Variants in OR6C6 observed in about 807,000 individuals in gnomAD.
OR6C6 encodes the protein olfactory receptor 6C6.
For synonymous variants in OR6C6, 140 were observed against 135.2 expected (o/e 1.04, Z -0.25); for missense variants, 411 against 366.8 (o/e 1.12, Z -0.98).
chr12:55,294,162 TCTCGAAC>T lies in OR6C6; in HGVS notation c.*119_*125del. ...GGTTTCACCATGTTGGCCAGGCTGG[TCTCGAAC>T]TCCTGACCTCAGGTAACCACCCTCC... On this transcript the variant is annotated 3_prime_UTR_variant, in exon 2 of 2. Coordinates refer to ENST00000358433, the MANE Select transcript of OR6C6 (RefSeq NM_001005493.2). 1 of 605,556 alleles carries T rather than the reference TCTCGAAC, an allele frequency of 1.7e-6. No homozygotes were observed. The allele number at this position is 605,556 out of a possible 1,614,324, so 37.5% of individuals were successfully genotyped here. A position where few individuals can be genotyped will look rare whatever the true frequency, so the allele number is the denominator to read the frequency against.
Position 55,294,455 on chromosome 12 carries a change from G to A in OR6C6, c.778C>T (p.Pro260Ser). The change falls in exon 2 of 2, where the codon CCA (proline) becomes TCA (serine). Residue 260 changes from proline to serine, a missense_variant. Transcript: ENST00000358433. ...ACAGTCACTCTTTCTTTTGCAGATG[G>A]TTTAATATACATAAAGATACAGCTA... ...YGSCIFMYIK[P>S]SAKERVTVSK... The A allele has an allele frequency of 6.2e-7, 1 of 1,613,780 alleles. No homozygotes were observed.
chr12:55,296,443 A>G lies in OR6C6; in HGVS notation c.-150T>C, dbSNP rs1241772666. 4 of 151,990 alleles carry G rather than the reference A, an allele frequency of 2.6e-5. No homozygotes were observed. Among genetic ancestry groups the G allele is most frequent in the Middle Eastern group, 3.2e-3 (1 of 316 alleles). The allele number at this position is 151,990 out of a possible 1,614,324, so 9.4% of individuals were successfully genotyped here. A position where few individuals can be genotyped will look rare whatever the true frequency, so the allele number is the denominator to read the frequency against. On this transcript the variant is annotated 5_prime_UTR_variant, in exon 1 of 2. Transcript: ENST00000358433. Reference sequence around the variant, plus strand: ...TATCCAATAGGCACATTTATTACCAATGATTTTTGTGGGGAGAGGCAATGT... The same window carrying G: ...TATCCAATAGGCACATTTATTACCAGTGATTTTTGTGGGGAGAGGCAATGT...
Position 55,294,242 on chromosome 12 carries a change from GC to G in OR6C6, c.*45del. ...TTACAGGCATGAGCCACCATGCCAG[GC>G]CGTTTTCCAGTTTTTATGGTAAAGT... On this transcript the variant is annotated 3_prime_UTR_variant, in exon 2 of 2. Transcript: ENST00000358433. 1 of 1,200,872 alleles carries G rather than the reference GC, an allele frequency of 8.3e-7. No homozygotes were observed. Among genetic ancestry groups the G allele is most frequent in the Admixed American group, 2.0e-5 (1 of 51,250 alleles). 74.4% of individuals were successfully genotyped at this position (1,200,872 alleles called of 1,614,324 possible).
intron 1 of OR6C6, among the ~76,000 whole-genome samples, chr12:55,296,108 C>T (rs918322386): frequency 4.6e-5 from 7 of 151,668 alleles, no homozygotes; most frequent in South Asian, 2.1e-4. Flanking sequence ...ATATTAAATG[C>T]GTCAGTCTAC....
In OR6C6 at chr12:55,294,466, AT is replaced by A; in HGVS notation, c.766del (p.Met256CysfsTer11). On this transcript the variant is annotated frameshift_variant, in exon 2 of 2. Transcript: ENST00000358433. LOFTEE classifies it low-confidence loss of function (END_TRUNC). ...TTCTTTTGCAGATGGTTTAATATACATAAAGATACAGCTACCGTATGTCATG... is the reference window on the plus strand; with the variant it reads ...TTCTTTTGCAGATGGTTTAATATACAAAAGATACAGCTACCGTATGTCATG... ...VSMTYGSCIF[M>X]YIKPSAKERV... The A allele has an allele frequency of 1.9e-6, 3 of 1,613,942 alleles. No individual in the cohort carries two copies. The highest frequency in any genetic ancestry group is 2.5e-6 in the Non-Finnish European group (3 of 1,179,850).
Position 55,294,190 on chromosome 12 carries a change from C to A in OR6C6, c.*98G>T. ...CGAACTCCTGACCTCAGGTAACCAC[C>A]CTCCTCAGCCTCCCAAAGTGCTGTG... On this transcript the variant is annotated 3_prime_UTR_variant, in exon 2 of 2. Transcript: ENST00000358433. The A allele has an allele frequency of 1.4e-6, 1 of 704,200 alleles. No individual in the cohort carries two copies. Among genetic ancestry groups the A allele is most frequent in the Non-Finnish European group, 2.4e-6 (1 of 415,968 alleles). 43.6% of individuals were successfully genotyped at this position (704,200 alleles called of 1,614,324 possible). A position where few individuals can be genotyped will look rare whatever the true frequency, so the allele number is the denominator to read the frequency against.
chr12:55,294,988 G>C lies in OR6C6; in HGVS notation c.245C>G (p.Thr82Ser). 6.2e-7 allele frequency: 1 copy of C among 1,613,326 alleles called. No homozygotes were observed. Among genetic ancestry groups the C allele is most frequent in the Non-Finnish European group, 8.5e-7 (1 of 1,179,462 alleles). ...AATGGTTTTGTCTCTAGTCACAATGGTTATCAAGAATCTAGGAATACACAC... is the reference window on the plus strand; with the variant it reads ...AATGGTTTTGTCTCTAGTCACAATGCTTATCAAGAATCTAGGAATACACAC... ...TTVCIPRFLI[T>S]IVTRDKTISY... Residue 82 changes from threonine to serine, a missense_variant, in exon 2 of 2, where the codon ACC (threonine) becomes AGC (serine). Transcript: ENST00000358433.
Position 55,296,424 on chromosome 12 carries a change from A to G in OR6C6, c.-131T>C, listed in dbSNP as rs545658884. ...TTTTATGACCACATTTTATTATCCA[A>G]TAGGCACATTTATTACCAATGATTT... On this transcript the variant is annotated 5_prime_UTR_variant, in exon 1 of 2. Coordinates refer to ENST00000358433, the MANE Select transcript of OR6C6 (RefSeq NM_001005493.2). The G allele has an allele frequency of 6.6e-6, 1 of 152,124 alleles. No homozygotes were observed. Among genetic ancestry groups the G allele is most frequent in the East Asian group, 1.9e-4 (1 of 5,184 alleles). 9.4% of individuals were successfully genotyped at this position (152,124 alleles called of 1,614,324 possible).
intron 1 of OR6C6, among the ~76,000 whole-genome samples, chr12:55,296,046 C>T (rs1868255059): frequency 1.4e-5 from 2 of 144,206 alleles, no homozygotes; most frequent in South Asian, 4.2e-4. Context: ...ACTTTCTATC[C>T]TTTCTACATA....
Position 55,294,285 on chromosome 12 carries a change from T to C in OR6C6, c.*3A>G. The C allele has an allele frequency of 6.5e-7, 1 of 1,542,892 alleles. No homozygotes were observed. Among genetic ancestry groups the C allele is most frequent in the Non-Finnish European group, 8.9e-7 (1 of 1,125,512 alleles). On this transcript the variant is annotated 3_prime_UTR_variant, in exon 2 of 2. Coordinates refer to ENST00000358433, the MANE Select transcript of OR6C6 (RefSeq NM_001005493.2). ...TGGTAAAGTTGTAATTTGTAGCAGA[T>C]TCTTAAAATGGTCTTTTAGAAAAAC... is the stretch of plus-strand genomic sequence containing the variant.
Position 55,294,748 on chromosome 12 carries a change from A to G in OR6C6, c.485T>C (p.Leu162Pro), listed in dbSNP as rs1308350724. Residue 162 changes from leucine to proline, a missense_variant, in exon 2 of 2, where the codon CTC becomes CCC. Physicochemically the swap from Leu to Pro is moderately conservative, Grantham distance 98. Coordinates refer to ENST00000358433, the MANE Select transcript of OR6C6 (RefSeq NM_001005493.2). ...TTTGGAAGCACAAAAATCCAGCTTG[A>G]GTCCCATGACCAATGGGGGAAATAT... ...LIIFPPLVMG[L>P]KLDFCASKTI... The G allele has an allele frequency of 6.2e-7, 1 of 1,614,106 alleles. No individual in the cohort carries two copies.
Position 55,294,504 on chromosome 12 carries a change from CAT to C in OR6C6, c.727_728del (p.Met243AspfsTer9), listed in dbSNP as rs747069570. ...NKAFSTCTSHMIVVSMTYGSC... is the reference protein window; with the variant it reads ...NKAFSTCTSHXIVVSMTYGSC... Reference sequence around the variant, plus strand: ...TACCGTATGTCATGGAGACAACAATCATGTGGGAAGTACAGGTGGAAAATGCT... The same window carrying C: ...TACCGTATGTCATGGAGACAACAATCGTGGGAAGTACAGGTGGAAAATGCT... On this transcript the variant is annotated frameshift_variant, in exon 2 of 2. Transcript: ENST00000358433. LOFTEE classifies it low-confidence loss of function (END_TRUNC). 11 of 1,613,588 alleles carry C rather than the reference CAT, an allele frequency of 6.8e-6. No individual in the cohort carries two copies. Among genetic ancestry groups the C allele is most frequent in the Non-Finnish European group, 9.3e-6 (11 of 1,179,718 alleles).
At position 55,294,245 on chromosome 12, in the gene OR6C6, GT is replaced by G; in HGVS notation, c.*42del. On this transcript the variant is annotated 3_prime_UTR_variant, in exon 2 of 2. Coordinates refer to ENST00000358433, the MANE Select transcript of OR6C6 (RefSeq NM_001005493.2). ...CAGGCATGAGCCACCATGCCAGGCC[GT>G]TTTCCAGTTTTTATGGTAAAGTTGT... The G allele has an allele frequency of 7.9e-7, 1 of 1,265,576 alleles. No homozygotes were observed. Among genetic ancestry groups the G allele is most frequent in the Non-Finnish European group, 1.1e-6 (1 of 890,472 alleles). 78.4% of individuals were successfully genotyped at this position (1,265,576 alleles called of 1,614,324 possible).
In OR6C6 at chr12:55,294,120, CT is replaced by C. The variant is rs1392762767; in HGVS notation, c.*167del. 2 of 498,412 alleles carry C rather than the reference CT, an allele frequency of 4.0e-6. No homozygotes were observed. Among genetic ancestry groups the C allele is most frequent in the Non-Finnish European group, 7.2e-6 (2 of 277,360 alleles). The allele number at this position is 498,412 out of a possible 1,614,324, so 30.9% of individuals were successfully genotyped here. A position where few individuals can be genotyped will look rare whatever the true frequency, so the allele number is the denominator to read the frequency against. The stretch of plus-strand genomic sequence containing the variant: ...CCACCACGCCCAGCTAATTTTTGTA[CT>C]TTTAAGTAGAGACGGGGTTTCACCA... On this transcript the variant is annotated 3_prime_UTR_variant, in exon 2 of 2. Coordinates refer to ENST00000358433, the MANE Select transcript of OR6C6 (RefSeq NM_001005493.2).
chr12:55,294,847 T>C lies in OR6C6; in HGVS notation c.386A>G (p.His129Arg), dbSNP rs777969874. The C allele has an allele frequency of 4.3e-6, 7 of 1,614,094 alleles. No homozygotes were observed. Among genetic ancestry groups the C allele is most frequent in the South Asian group, 1.1e-5 (1 of 91,074 alleles). Residue 129 changes from histidine to arginine, a missense_variant, in exon 2 of 2, where the codon CAT becomes CGT. By Grantham distance (29) the His-to-Arg change is conservative (BLOSUM62 0). Transcript: ENST00000358433. ...TTTGCTGCTCATAATGATTGGATAA[T>C]GCAGTGGTTTGCAGATGGCAACGTA... ...DRYVAICKPL[H>R]YPIIMSSKVC... is the part of the protein sequence containing the mutation.
Position 55,295,074 on chromosome 12 carries a change from G to C in OR6C6, c.159C>G (p.Leu53=), listed in dbSNP as rs201362654. Residue 53 remains leucine, a synonymous_variant, in exon 2 of 2, where the codon CTC becomes CTG. Coordinates refer to ENST00000358433, the MANE Select transcript of OR6C6 (RefSeq NM_001005493.2). ...IIILTLLDPR[L]KTPMYFFLRN... ...GGAGAAAGAAATACATTGGCGTCTT[G>C]AGCCGGGGATCCAGCAGGGTGAGGA... 1.2e-4 allele frequency: 196 copies of C among 1,613,986 alleles called. 2 individuals carry two copies. In the East Asian group the frequency reaches 4.2e-3, roughly 35 times the overall value.
At position 55,294,486 on chromosome 12, in the gene OR6C6, T is replaced by C. The variant is rs749710615; in HGVS notation, c.747A>G (p.Thr249=). The stretch of plus-strand genomic sequence containing the variant: ...TATACATAAAGATACAGCTACCGTA[T>C]GTCATGGAGACAACAATCATGTGGG... The part of the protein sequence containing the change: ...CTSHMIVVSM[T]YGSCIFMYIK... Residue 249 remains threonine, a synonymous_variant, in exon 2 of 2, where the codon ACA becomes ACG. Coordinates refer to ENST00000358433, the MANE Select transcript of OR6C6 (RefSeq NM_001005493.2). 3.1e-6 allele frequency: 5 copies of C among 1,613,672 alleles called. No homozygotes were observed. Among genetic ancestry groups the C allele is most frequent in the Non-Finnish European group, 4.2e-6 (5 of 1,179,622 alleles).
At position 55,294,344 on chromosome 12, in the gene OR6C6, C is replaced by T; in HGVS notation, c.889G>A (p.Glu297Lys). ...TTTTGTAATACATCCCAGAAGACTT[C>T]TTTCACCTGCTGGTTTCTGAGAGTA... is the stretch of plus-strand genomic sequence containing the variant. ...IYTLRNQQVK[E>K]VFWDVLQKNL... Residue 297 changes from glutamate to lysine, a missense_variant, in exon 2 of 2, where the codon GAA becomes AAA. Glu to Lys is a moderately conservative substitution (Grantham distance 56). Coordinates refer to ENST00000358433, the MANE Select transcript of OR6C6 (RefSeq NM_001005493.2). 1 of 1,613,222 alleles carries T rather than the reference C, an allele frequency of 6.2e-7. No individual in the cohort carries two copies. The highest frequency in any genetic ancestry group is 8.5e-7 in the Non-Finnish European group (1 of 1,179,352).
At position 55,294,715 on chromosome 12, in the gene OR6C6, T is replaced by G; in HGVS notation, c.518A>C (p.Asp173Ala). 1 of 1,614,056 alleles carries G rather than the reference T, an allele frequency of 6.2e-7. No homozygotes were observed. The highest frequency in any genetic ancestry group is 8.5e-7 in the Non-Finnish European group (1 of 1,180,014). Reference protein sequence around the residue: ...KLDFCASKTIDHFMCETSPIL... With the variant: ...KLDFCASKTIAHFMCETSPIL... ...AGGAGAAGTTTCACACATAAAGTGG[T>G]CAATAGTTTTGGAAGCACAAAAATC... The change falls in exon 2 of 2, where the codon GAC becomes GCC. Residue 173 changes from aspartate (D) to alanine (A), a missense_variant. By Grantham distance (126) the Asp-to-Ala change is moderately radical (BLOSUM62 -2). Coordinates refer to ENST00000358433, the MANE Select transcript of OR6C6 (RefSeq NM_001005493.2).
Sources: allele counts gnomAD v4.1 joint callset (sites outside exome capture counted in the v4.1 genomes callset), GRCh38; gene constraint gnomAD v4.1.1; transcripts MANE v1.5; gene names NCBI Gene and HGNC (gene_info 2026-07-23, HGNC 2026-07-21).